Variants in PCDHA2 observed in about 807,000 individuals in gnomAD.
PCDHA2 encodes protocadherin alpha-2.
PCDHA2 carries 58 observed loss-of-function variants against 66.0 expected under a neutral mutation model. That is an observed-to-expected ratio of 0.88 (90% CI 0.71 to 1.09). The LOEUF (loss-of-function observed/expected upper bound fraction) is 1.09. Ranked by LOEUF, PCDHA2 falls within the 50% of genes least tolerant of loss-of-function variation. The probability of loss-of-function intolerance (pLI) is 0.00; values close to 1 mark genes in which losing one functional copy is unlikely to be tolerated. For missense variants in PCDHA2, 1,267 were observed against 1,242.3 expected (o/e 1.02, Z -0.30); for synonymous variants, 634 against 554.0 (o/e 1.14, Z -2.03).
intron 1 of PCDHA2, chr5:140,869,272 G>A: frequency 6.2e-7 from 1 of 1,613,572 alleles, no homozygotes; most frequent in Non-Finnish European, 8.5e-7. Flanking sequence ...GCTGGAGCTG[G>A]CGGAGCTGGT....
At chr5:140,921,277 A>G (rs1554200163) in intron 1 of PCDHA2, among the ~76,000 whole-genome samples, 1 of 152,210 alleles carries the variant, frequency 6.6e-6, no homozygotes, top group Non-Finnish European at 1.5e-5. Flanking sequence ...ACTTACTTGA[A>G]AAAAACCTCA....
At chr5:140,820,047 T>C (rs1170204744) in intron 1 of PCDHA2, among the ~76,000 whole-genome samples, 1 of 152,048 alleles carries the variant, frequency 6.6e-6, no homozygotes, top group Non-Finnish European at 1.5e-5. Context: ...TTTACTGTTA[T>C]ATAATAGAAA....
intron 1 of PCDHA2, chr5:140,850,189 T>C: frequency 6.3e-7 from 1 of 1,593,496 alleles, no homozygotes; most frequent in South Asian, 1.1e-5. Flanking sequence ...GCGCCGGCGC[T>C]GCTGACACCT....
chr5:140,915,626 GTCTCTCTCTCTC>G (rs57920489), intron 1 of PCDHA2, among the ~76,000 whole-genome samples: 39 of 146,434 alleles, frequency 2.7e-4, no homozygotes, highest in African/African-American at 9.6e-4. Context: ...GTCTCTTTCT[GTCTCTCTCTCTC>G]TCTCTCTCTC....
At chr5:140,823,827 C>A (rs1554129619) in intron 1 of PCDHA2, 1 of 1,613,806 alleles carries the variant, frequency 6.2e-7, no homozygotes, top group Non-Finnish European at 8.5e-7. Context: ...CGTCGGCGGG[C>A]GCTGTGGGTC....
At chr5:140,856,384 G>C (rs202075661) in intron 1 of PCDHA2, 1 of 1,598,540 alleles carries the variant, frequency 6.3e-7, no homozygotes, top group African/African-American at 1.3e-5. Flanking sequence ...TGGACAGGCC[G>C]CTGCAGGTTT....
At chr5:140,883,744 C>T (rs782708384) in intron 1 of PCDHA2, 1 of 1,613,374 alleles carries the variant, frequency 6.2e-7, no homozygotes, top group South Asian at 1.1e-5. Flanking sequence ...TGGTCTCCTA[C>T]TCGCTGGTGG....
At chr5:140,996,884 A>T (rs1411027110) in intron 3 of PCDHA2, among the ~76,000 whole-genome samples, 1 of 152,186 alleles carries the variant, frequency 6.6e-6, no homozygotes, top group African/African-American at 2.4e-5. Flanking sequence ...TGTATTTTTA[A>T]ATAAAATAGA....
intron 1 of PCDHA2, chr5:140,967,103 C>T: frequency 6.2e-7 from 1 of 1,613,024 alleles, no homozygotes; most frequent in Non-Finnish European, 8.5e-7. Context: ...GCTGTGTGAG[C>T]AGCGGCCTCG....
Position 140,809,071 on chromosome 5 carries a change from T to G in PCDHA2, c.2388+11719T>G, listed in dbSNP as rs1472268420. ...TCCCGTTCCGCGTGGGGCTGTACAC[T>G]GGCGAGATCAGCACAACGCGTGCCC... On this transcript the variant is annotated intron_variant, in intron 1 of 3. Transcript: ENST00000526136. 11 of 1,613,780 alleles carry G rather than the reference T, an allele frequency of 6.8e-6. No individual in the cohort carries two copies. The African/African-American group carries it at 1.2e-4, about 18-fold the overall frequency.
chr5:140,826,340 CCCTTT>C (rs1437907003), intron 1 of PCDHA2, among the ~76,000 whole-genome samples: 2 of 152,002 alleles, frequency 1.3e-5, no homozygotes, highest in African/African-American at 4.8e-5. Flanking sequence ...AGAAATTGAA[CCCTTT>C]GTTTGCCCAA....
At chr5:140,871,215 C>T (rs782542021) in intron 1 of PCDHA2, 2 of 1,613,854 alleles carry the variant, frequency 1.2e-6, no homozygotes, top group Non-Finnish European at 1.7e-6. Flanking sequence ...TCGCCATCTG[C>T]GTGGTGTCCA....
At chr5:140,969,982 G>A (rs1327490843) in intron 1 of PCDHA2, among the ~76,000 whole-genome samples, 1 of 152,184 alleles carries the variant, frequency 6.6e-6, no homozygotes, top group Non-Finnish European at 1.5e-5. Context: ...CAACTCTTCT[G>A]TAGAGGGCTG....
intron 1 of PCDHA2, chr5:140,809,716 AT>A (rs1764530586): frequency 1.1e-6 from 1 of 933,822 alleles, no homozygotes; most frequent in Non-Finnish European, 1.6e-6. Context: ...GTCTTTTGGA[AT>A]TATAGGACAT....
At chr5:140,923,714 A>G (rs1396629400) in intron 1 of PCDHA2, among the ~76,000 whole-genome samples, 7 of 152,250 alleles carry the variant, frequency 4.6e-5, no homozygotes, top group African/African-American at 1.4e-4. Context: ...TACTTGAATA[A>G]GAATGCAATG....
At chr5:140,906,111 C>T (rs910809345) in intron 1 of PCDHA2, among the ~76,000 whole-genome samples, 1 of 152,100 alleles carries the variant, frequency 6.6e-6, no homozygotes, top group Admixed American at 6.5e-5. Flanking sequence ...TTTCCCAGTC[C>T]ACTGACACAA....
intron 1 of PCDHA2, chr5:140,884,452 C>G (rs1203873823): frequency 6.2e-7 from 1 of 1,613,664 alleles, no homozygotes; most frequent in African/African-American, 1.3e-5. Context: ...CACCGCCCAC[C>G]GAGGGCGCGT....
Position 140,852,527 on chromosome 5 carries a change from C to T in PCDHA2, c.2388+55175C>T, listed in dbSNP as rs184052538. The T allele has an allele frequency of 1.0e-4, 41 of 393,270 alleles. 2 individuals are homozygous for T. Among genetic ancestry groups the T allele is most frequent in the African/African-American group, 6.6e-4 (30 of 45,558 alleles). 24.4% of individuals were successfully genotyped at this position (393,270 alleles called of 1,614,324 possible). A position where few individuals can be genotyped will look rare whatever the true frequency, so the allele number is the denominator to read the frequency against. On this transcript the variant is annotated intron_variant, in intron 1 of 3. Transcript: ENST00000526136. ...TCCTGACCTTGTGATGCTCCCACCT[C>T]GGCCTCCCAAAGTGCTGGGATTAAA...
At chr5:140,952,349 A>T (rs1554220373) in intron 1 of PCDHA2, among the ~76,000 whole-genome samples, 2 of 152,000 alleles carry the variant, frequency 1.3e-5, no homozygotes, top group African/African-American at 4.8e-5. Flanking sequence ...AAAAAAAAAA[A>T]AAAAAGAAAG....
Sources: gnomAD v4.1 joint callset for allele counts (sites outside exome capture counted in the v4.1 genomes callset) on GRCh38, gnomAD v4.1.1 for gene constraint, MANE v1.5 for transcripts, NCBI Gene and HGNC (gene_info 2026-07-23, HGNC 2026-07-21) for gene names.